ESR1: variants seen among roughly 807,000 people sequenced by gnomAD.
ESR1 encodes estrogen receptor 1, also known as estrogen receptor.
Under a neutral mutation model 52.7 loss-of-function variants are expected in ESR1, and 12 were observed. That is an observed-to-expected ratio of 0.23 (90% CI 0.15 to 0.37). ESR1 has a LOEUF of 0.37. Ranked by LOEUF, ESR1 falls within the 10% of genes least tolerant of loss-of-function variation. ESR1 has a pLI of 1.00. For missense variants in ESR1, 584 were observed against 779.7 expected (o/e 0.75, Z 2.99); for synonymous variants, 305 against 316.8 (o/e 0.96, Z 0.39).
At chr6:152,001,087 G>A (rs983233070) in intron 4 of ESR1, among the ~76,000 whole-genome samples, 1 of 152,026 alleles carries the variant, frequency 6.6e-6, no homozygotes, top group Non-Finnish European at 1.5e-5. Context: ...ATATGGGATA[G>A]TTTTTACTTT....
intron 4 of ESR1, among the ~76,000 whole-genome samples, chr6:151,954,394 C>T (rs893625012): frequency 6.6e-6 from 1 of 152,142 alleles, no homozygotes; most frequent in Non-Finnish European, 1.5e-5. Flanking sequence ...CTAGCAAAGC[C>T]CCTCACACAA....
At position 151,771,094 on chromosome 6, in the gene ESR1, T is replaced by A. The variant is rs2128107895; in HGVS notation, c.-70-36749T>A. Reference sequence around the variant, plus strand: ...TCACTGGAAAATAGTGTCCAACTTATTTGCTTAAAATTTTCAGTTAATGTG... The same window carrying A: ...TCACTGGAAAATAGTGTCCAACTTAATTGCTTAAAATTTTCAGTTAATGTG... On this transcript the variant is annotated intron_variant, in intron 2 of 2. Coordinates refer to the ESR1 transcript ENST00000404742. 1.3e-5 allele frequency among the ~76,000 whole-genome samples: 2 copies of A among 152,302 alleles called. 1 individual carries two copies. The highest frequency in any genetic ancestry group is 3.9e-4 in the East Asian group (2 of 5,192).
chr6:151,996,665 T>A (rs1199805909), intron 4 of ESR1, among the ~76,000 whole-genome samples: 1 of 152,058 alleles, frequency 6.6e-6, no homozygotes, highest in Non-Finnish European at 1.5e-5. Flanking sequence ...CAATAGACAG[T>A]GATAAGCATG....
At position 151,956,598 on chromosome 6, in the gene ESR1, C is replaced by T. The variant is rs117766652; in HGVS notation, c.1096+12090C>T. ...CACTGAGGTAGAGAAAGGTTAATAA[C>T]ATAGAATAGTTTAGTATTAGGGAAA... On this transcript the variant is annotated intron_variant, in intron 4 of 7. Transcript: ENST00000206249. 2.2e-3 allele frequency among the ~76,000 whole-genome samples: 328 copies of T among 152,008 alleles called. 7 individuals carry two copies. In the East Asian group the frequency reaches 0.047, roughly 22 times the overall value.
At chr6:151,810,945 AG>A in intron 1 of ESR1, 1 of 152,350 alleles carries the variant, frequency 6.6e-6, no homozygotes, top group East Asian at 1.9e-4. Context: ...CTTATAAATT[AG>A]GTTGGTGTCT....
At chr6:151,755,530 T>A (rs1784218749) in intron 2 of ESR1, among the ~76,000 whole-genome samples, 2 of 152,232 alleles carry the variant, frequency 1.3e-5, no homozygotes, top group African/African-American at 4.8e-5. Flanking sequence ...GCCGCAGAGC[T>A]GGTTTCCCTG....
rs186757160 is a variant in ESR1 at position 151,704,102 on chromosome 6, A to G, written c.-71+2097A>G. Among the ~76,000 whole-genome samples the G allele has an allele frequency of 1.2e-4, 19 of 152,368 alleles. No homozygotes were observed. The East Asian group carries it at 3.7e-3, about 29-fold the overall frequency. On this transcript the variant is annotated intron_variant, in intron 2 of 2. Transcript: ENST00000404742. ...ATTTGATCTTGAGTAGAAAGATTCTAAGGGCTAAAAAATAAAAGATGTAAA... is the reference window on the plus strand; with the variant it reads ...ATTTGATCTTGAGTAGAAAGATTCTGAGGGCTAAAAAATAAAAGATGTAAA...
chr6:151,840,520 A>G (rs1353298680), intron 1 of ESR1, among the ~76,000 whole-genome samples: 1 of 152,246 alleles, frequency 6.6e-6, no homozygotes, highest in Non-Finnish European at 1.5e-5. Flanking sequence ...TATTTTGTGA[A>G]TATTATGGCA....
intron 3 of ESR1, among the ~76,000 whole-genome samples, chr6:151,911,725 G>A (rs1308957890): frequency 6.6e-6 from 1 of 152,150 alleles, no homozygotes. Context: ...TTTTAGAAAT[G>A]ACCATTTTAC....
chr6:151,910,619 C>G (rs1798118853), intron 3 of ESR1, among the ~76,000 whole-genome samples: 2 of 152,136 alleles, frequency 1.3e-5, no homozygotes, highest in Admixed American at 1.3e-4. Flanking sequence ...GTATCTGTCT[C>G]AAGCTGTAGT....
chr6:151,720,608 A>T (rs1332868874), intron 2 of ESR1, among the ~76,000 whole-genome samples: 1 of 152,210 alleles, frequency 6.6e-6, no homozygotes, highest in East Asian at 1.9e-4. Context: ...AATTTTTCCA[A>T]GCTTTTTGAT....
At chr6:152,058,168 C>G (rs1048072022) in intron 5 of ESR1, among the ~76,000 whole-genome samples, 1 of 151,954 alleles carries the variant, frequency 6.6e-6, no homozygotes, top group Non-Finnish European at 1.5e-5. Flanking sequence ...AAACATTTTC[C>G]CCTATCCTTG....
intron 5 of ESR1, among the ~76,000 whole-genome samples, chr6:152,026,723 G>C (rs2982705): frequency 0.44 from 66,739 of 151,690 alleles, 16,617 homozygotes; most frequent in African/African-American, 0.67. Flanking sequence ...TGCATACTTA[G>C]TCAACTCTTC....
Position 152,098,848 on chromosome 6 carries a change from G to A in ESR1, c.1670G>A (p.Gly557Glu), listed in dbSNP as rs752392486. The change falls in exon 8 of 8, where the codon GGG (glycine) becomes GAG (glutamate). Residue 557 changes from glycine (G) to glutamate (E), a missense_variant. Physicochemically the swap from Gly to Glu is moderately conservative, Grantham distance 98 (BLOSUM62 -2). Coordinates refer to ENST00000206249, the MANE Select transcript of ESR1 (RefSeq NM_000125.4). This position sits in a 1 kb window ranked among gnomAD's most constrained non-coding sequence, Gnocchi z 5.1. ...CTACATGCGCCCACTAGCCGTGGAG[G>A]GGCATCCGTGGAGGAGACGGACCAA... Reference protein sequence around the residue: ...HRLHAPTSRGGASVEETDQSH... With the variant: ...HRLHAPTSRGEASVEETDQSH... The A allele has an allele frequency of 1.2e-6, 2 of 1,614,188 alleles. No homozygotes were observed. The highest frequency in any genetic ancestry group is 2.2e-5 in the East Asian group (1 of 44,866).
Position 151,840,201 on chromosome 6 carries a change from C to T in ESR1, c.453-2396C>T, listed in dbSNP as rs545284385. ...ATGCTTGCTAAATATCTACTCCCAC[C>T]TCCAAAGGCACTAAGCTTCTACAGT... On this transcript the variant is annotated intron_variant, in intron 1 of 7. Transcript: ENST00000206249. Among the ~76,000 whole-genome samples, 192 of 152,284 alleles carry T rather than the reference C, an allele frequency of 1.3e-3. 1 individual carries two copies. Among genetic ancestry groups the T allele is most frequent in the Non-Finnish European group, 2.3e-3 (155 of 68,016 alleles).
At chr6:151,987,363 A>G (rs1456051144) in intron 4 of ESR1, among the ~76,000 whole-genome samples, 1 of 152,042 alleles carries the variant, frequency 6.6e-6, no homozygotes, top group African/African-American at 2.4e-5. Context: ...GGTTCAAGTG[A>G]TTCTCCTGCC....
intron 2 of ESR1, among the ~76,000 whole-genome samples, chr6:151,780,114 T>C (rs1457332874): frequency 6.6e-6 from 1 of 150,432 alleles, no homozygotes; most frequent in Non-Finnish European, 1.5e-5. Context: ...GTTCCACAAG[T>C]TCCACAAGTT....
intron 3 of ESR1, among the ~76,000 whole-genome samples, chr6:151,909,208 G>A (rs1335614272): frequency 6.6e-6 from 1 of 152,152 alleles, no homozygotes; most frequent in Admixed American, 6.5e-5. Flanking sequence ...CCATTACAGG[G>A]CAGTCAAGCT....
At chr6:151,961,190 T>C (rs3003924) in intron 4 of ESR1, among the ~76,000 whole-genome samples, 116,129 of 151,838 alleles carry the variant, frequency 0.76, 44,741 homozygotes, top group Middle Eastern at 0.86. Flanking sequence ...AAGTAGTGAG[T>C]GTAAAAAGGA....
Sources: gnomAD v4.1 joint callset for allele counts (sites outside exome capture counted in the v4.1 genomes callset) on GRCh38, gnomAD v4.1.1 for gene constraint, Gnocchi (gnomAD v3.1) non-coding constraint, MANE v1.5 for transcripts, NCBI Gene and HGNC (gene_info 2026-07-23, HGNC 2026-07-21) for gene names.